The following CDC23 variants were observed in gnomAD, a reference collection of about 807,000 sequenced individuals.
The protein encoded by CDC23 is cell division cycle 23.
In CDC23, 26 loss-of-function variants were observed where a neutral mutation model predicts 81.7. That is an observed-to-expected ratio of 0.32 (90% CI 0.23 to 0.44). The LOEUF (loss-of-function observed/expected upper bound fraction) is 0.44. Among genes scored for constraint, CDC23 ranks in the 20% least tolerant of loss-of-function variants. CDC23 has a pLI of 1.00. For missense variants in CDC23, 519 were observed against 728.0 expected (o/e 0.71, Z 3.30); for synonymous variants, 267 against 270.8 (o/e 0.99, Z 0.14).
chr5:138,205,717 G>C (rs970062906), intron 3 of CDC23, among the ~76,000 whole-genome samples: 3 of 135,504 alleles, frequency 2.2e-5, no homozygotes, highest in Non-Finnish European at 3.2e-5. Flanking sequence ...AAAAAACAAA[G>C]ATGACTTAAA....
At chr5:138,198,547 A>G (rs765667426) in intron 7 of CDC23, 24 bp from the exon 8 acceptor site, 17 of 1,613,072 alleles carry the variant, frequency 1.1e-5, no homozygotes, top group Non-Finnish European at 1.2e-5. Flanking sequence ...ATAGTTCAGA[A>G]AACAGCACAA....
intron 9 of CDC23, among the ~76,000 whole-genome samples, chr5:138,193,473 G>C (rs535791352): frequency 1.3e-5 from 2 of 152,138 alleles, no homozygotes; most frequent in African/African-American, 2.4e-5. Flanking sequence ...GCGCACATCT[G>C]TAGTCCCAGC....
intron 7 of CDC23, 23 bp downstream of exon 7, chr5:138,198,582 T>C: frequency 6.2e-7 from 1 of 1,613,534 alleles, no homozygotes; most frequent in Non-Finnish European, 8.5e-7. Flanking sequence ...TCTGATAGTA[T>C]TTCATTGTCT....
rs535635790 is a variant in CDC23, at chr5:138,200,217, T to C, written c.654+890A>G. 4.1e-4 allele frequency among the ~76,000 whole-genome samples: 62 copies of C among 152,302 alleles called. 1 individual carries two copies. The highest frequency in any genetic ancestry group is 4.0e-3 in the Admixed American group (61 of 15,294). On this transcript the variant is annotated intron_variant, in intron 6 of 15. Transcript: ENST00000394886. ...CACCATCAGGGCTCACTGCAACCTC[T>C]GCCCCTCAAGTTCAAGTGATTCTCT...
Position 138,199,079 on chromosome 5 carries a change from C to T in CDC23, c.655-297G>A, listed in dbSNP as rs576480151. Among the ~76,000 whole-genome samples the T allele has an allele frequency of 1.6e-4, 25 of 152,142 alleles. No homozygotes were observed. The South Asian group carries it at 3.9e-3, about 24-fold the overall frequency. On this transcript the variant is annotated intron_variant, in intron 6 of 15. Transcript: ENST00000394886. ...GAGAAAGAAGACAATAGTCTAGACA[C>T]GGGTAATAGCATAAGGAGAGGCAAA...
At chr5:138,194,575 C>T (rs574763091) in intron 9 of CDC23, among the ~76,000 whole-genome samples, 120 of 152,168 alleles carry the variant, frequency 7.9e-4, no homozygotes, top group Admixed American at 2.8e-3. Flanking sequence ...CACGAGGGAA[C>T]TTTTTGGGGT....
At position 138,205,075 on chromosome 5, in the gene CDC23, T is replaced by C. The variant is rs527963186; in HGVS notation, c.372+1472A>G. On this transcript the variant is annotated intron_variant, in intron 3 of 15. Transcript: ENST00000394886. ...GGCCACAGGCACACACCACCACACC[T>C]GGCTAATTATTGTATTTTTTGTAGA... 2.6e-5 allele frequency among the ~76,000 whole-genome samples: 4 copies of C among 151,528 alleles called. No individual in the cohort carries two copies. The South Asian group carries it at 8.3e-4, about 32-fold the overall frequency.
At chr5:138,206,240 T>C in intron 3 of CDC23, 1 of 450,522 alleles carries the variant, frequency 2.2e-6, no homozygotes, top group South Asian at 5.0e-5. Flanking sequence ...AATTTAAAAG[T>C]CAGCCCAGGC....
In CDC23 at chr5:138,213,283, C is replaced by T; in HGVS notation, c.30G>A (p.Val10=). The change falls in exon 1 of 16, where the codon GTG becomes GTA. Residue 10 remains valine (V), a synonymous_variant. Transcript: ENST00000394886. ...CAGGCGCCACTGCCGCCGTCACAGC[C>T]ACCGGGACCATGGAGGTACTCGCAG... MAASTSMVP[V]AVTAAVAPVL... is the part of the protein sequence containing the mutation. The T allele has an allele frequency of 1.9e-6, 3 of 1,614,066 alleles. No individual in the cohort carries two copies. Among genetic ancestry groups the T allele is most frequent in the Non-Finnish European group, 2.5e-6 (3 of 1,180,032 alleles).
At chr5:138,211,261 A>G (rs1182290179) in intron 2 of CDC23, among the ~76,000 whole-genome samples, 1 of 152,234 alleles carries the variant, frequency 6.6e-6, no homozygotes, top group Non-Finnish European at 1.5e-5. Flanking sequence ...ATTAACACAG[A>G]AATAGAAACC....
At chr5:138,194,509 T>C (rs1754861745) in intron 9 of CDC23, among the ~76,000 whole-genome samples, 1 of 151,980 alleles carries the variant, frequency 6.6e-6, no homozygotes, top group South Asian at 2.1e-4. Flanking sequence ...GGCAAAACTA[T>C]AAAGAAGCAA....
intron 2 of CDC23, among the ~76,000 whole-genome samples, chr5:138,211,975 C>G (rs1369640972): frequency 6.6e-6 from 1 of 152,112 alleles, no homozygotes; most frequent in African/African-American, 2.4e-5. Context: ...TTTATTTAAT[C>G]TTCTTGAAAA....
intron 9 of CDC23, among the ~76,000 whole-genome samples, chr5:138,195,749 ATATATATACATATATTATATATGTG>A (rs1176950070): frequency 2.3e-4 from 26 of 114,796 alleles, no homozygotes; most frequent in East Asian, 1.3e-3. Context: ...ATATATATGT[ATATATATACATATATTATATATGTG>A]TATATATACA....
At chr5:138,202,566 G>C (rs867901959) in intron 3 of CDC23, among the ~76,000 whole-genome samples, 2 of 152,208 alleles carry the variant, frequency 1.3e-5, no homozygotes, top group African/African-American at 4.8e-5. Context: ...TTACAGGCGT[G>C]AGCCACTGTG....
At chr5:138,212,407 C>T (rs1755123540) in intron 2 of CDC23, among the ~76,000 whole-genome samples, 1 of 151,594 alleles carries the variant, frequency 6.6e-6, no homozygotes, top group Admixed American at 6.6e-5. Context: ...CAACCTTCGC[C>T]TCCCGGGTTT....
At chr5:138,191,962 G>C in intron 11 of CDC23, 25 bp from the exon 12 acceptor site, 1 of 1,598,982 alleles carries the variant, frequency 6.3e-7, no homozygotes, top group Middle Eastern at 1.7e-4. Context: ...CAGGCAGTCT[G>C]AGCAAAGACT....
chr5:138,195,786 A>G (rs1158489267), intron 9 of CDC23, among the ~76,000 whole-genome samples: 1 of 126,580 alleles, frequency 7.9e-6, no homozygotes, highest in Non-Finnish European at 1.6e-5. Flanking sequence ...ATATATACAT[A>G]TATTTTATAT....
chr5:138,192,543 A>G lies in CDC23; in HGVS notation c.1127T>C (p.Met376Thr), dbSNP rs1044293634. ...GAWTLMGHEY[M>T]EMKNTSAAIQ... ...AGCAGCAGACGTGTTCTTCATCTCC[A>G]TGTACTCATGTCCCATTAGTGTCCA... Residue 376 changes from methionine to threonine, a missense_variant, in exon 10 of 16, where the codon ATG becomes ACG. Physicochemically the swap from Met to Thr is moderately conservative, Grantham distance 81. Transcript: ENST00000394886. The G allele has an allele frequency of 1.2e-6, 2 of 1,613,992 alleles. No homozygotes were observed. The highest frequency in any genetic ancestry group is 1.7e-5 in the Admixed American group (1 of 59,994).
intron 9 of CDC23, among the ~76,000 whole-genome samples, chr5:138,195,722 GTATATA>G (rs869265284): frequency 1.9e-5 from 1 of 52,434 alleles, no homozygotes; most frequent in Non-Finnish European, 4.1e-5. Flanking sequence ...TAATATATAT[GTATATA>G]TATACATATA....
Sources: gnomAD v4.1 joint callset for allele counts (sites outside exome capture counted in the v4.1 genomes callset) on GRCh38, gnomAD v4.1.1 for gene constraint, MANE v1.5 for transcripts, NCBI Gene and HGNC (gene_info 2026-07-23, HGNC 2026-07-21) for gene names.